MAPK13: variants seen among roughly 807,000 people sequenced by gnomAD.
The protein encoded by MAPK13 is mitogen-activated protein kinase 13, also known as MAP kinase 13.
In MAPK13, 39 loss-of-function variants were observed where a neutral mutation model predicts 53.5. The observed-to-expected ratio is 0.73, with a 90% CI of 0.56 to 0.95. The LOEUF is 0.95. Ranked by LOEUF, MAPK13 falls within the 40% of genes least tolerant of loss-of-function variation. MAPK13 has a pLI of 0.00. For missense variants in MAPK13, 460 were observed against 471.8 expected (o/e 0.98, Z 0.23); for synonymous variants, 179 against 190.9 (o/e 0.94, Z 0.51).
intron 2 of MAPK13, among the ~76,000 whole-genome samples, chr6:36,131,686 TGA>T (rs1345912025): frequency 6.6e-6 from 1 of 152,244 alleles, no homozygotes; most frequent in Non-Finnish European, 1.5e-5. Flanking sequence ...GTTCCATGTC[TGA>T]GAGCTTGTGG....
intron 5 of MAPK13, 48 bp downstream of exon 5, chr6:36,136,096 T>C: frequency 6.2e-7 from 1 of 1,607,484 alleles, no homozygotes; most frequent in Non-Finnish European, 8.5e-7. Context: ...GTCCCATCCC[T>C]GGGTATGGGG....
chr6:36,132,623 C>A lies in MAPK13; in HGVS notation c.252C>A (p.Val84=). ...CTCACAGGTGACTTCTTCCCCAGGT[C>A]ATTGGGCTCCTGGATGTCTTCACCC... is the stretch of plus-strand genomic sequence containing the variant. ...LLLKHMQHEN[V]IGLLDVFTPA... is the part of the protein sequence containing the mutation. Residue 84 remains valine, a splice_region_variant and synonymous_variant, in exon 3 of 12, where the codon GTC becomes GTA. Coordinates refer to ENST00000211287, the MANE Select transcript of MAPK13 (RefSeq NM_002754.5). 3.1e-6 allele frequency: 5 copies of A among 1,614,158 alleles called. No individual in the cohort carries two copies. The highest frequency in any genetic ancestry group is 4.2e-6 in the Non-Finnish European group (5 of 1,179,998).
rs1436548083 is a variant in MAPK13 at position 36,144,153 on chromosome 6, C to A, written c.*4780C>A. On this transcript the variant is annotated 3_prime_UTR_variant, in exon 12 of 12. Transcript: ENST00000211287. Reference sequence around the variant, plus strand: ...AAGTAGCTGGGACTATAGGCATGCACCACCATGCCTGGCTAATTTCAGAAT... The same window carrying A: ...AAGTAGCTGGGACTATAGGCATGCAACACCATGCCTGGCTAATTTCAGAAT... 2 of 152,130 alleles carry A rather than the reference C, an allele frequency of 1.3e-5. No individual in the cohort carries two copies. Among genetic ancestry groups the A allele is most frequent in the African/African-American group, 4.8e-5 (2 of 41,402 alleles). The allele number at this position is 152,130 out of a possible 1,614,324, so 9.4% of individuals were successfully genotyped here.
At chr6:36,138,826 G>C (rs767140049) in intron 10 of MAPK13, 46 bp downstream of exon 10, 9 of 1,613,706 alleles carry the variant, frequency 5.6e-6, no homozygotes, top group Non-Finnish European at 5.9e-6. Context: ...GCGTATCCCA[G>C]AGGGCGGGCT....
intron 5 of MAPK13, 148 bp from the exon 6 acceptor site, chr6:36,136,336 C>A: frequency 1.4e-6 from 1 of 709,756 alleles, no homozygotes; most frequent in Non-Finnish European, 2.4e-6. Flanking sequence ...TGAGAGAACA[C>A]CTAGTCCAAC....
At chr6:36,134,450 T>G (rs373049776) in intron 3 of MAPK13, among the ~76,000 whole-genome samples, 6 of 152,214 alleles carry the variant, frequency 3.9e-5, no homozygotes, top group African/African-American at 1.4e-4. Context: ...TGGAGTGCAG[T>G]GGCACAAACA....
In MAPK13 at chr6:36,136,537, T is replaced by TG. The variant is rs1766420216; in HGVS notation, c.495+9dup. On this transcript the variant is annotated splice_region_variant and intron_variant, in intron 6 of 11. Transcript: ENST00000211287. ...ATGAGGACTGTGAACTGAAGGTGAG[T>TG]GGGCTGCAGGCTCAGCCCAGAGGCG... 6.2e-7 allele frequency: 1 copy of TG among 1,602,772 alleles called. No homozygotes were observed. The highest frequency in any genetic ancestry group is 1.3e-5 in the African/African-American group (1 of 74,606).
Position 36,130,792 on chromosome 6 carries a change from C to T in MAPK13, c.119+91C>T, listed in dbSNP as rs1360696073. 38 of 655,988 alleles carry T rather than the reference C, an allele frequency of 5.8e-5. No individual in the cohort carries two copies. The South Asian group carries it at 8.0e-4, about 14-fold the overall frequency. 40.6% of individuals were successfully genotyped at this position (655,988 alleles called of 1,614,324 possible). On this transcript the variant is annotated intron_variant, in intron 1 of 11. Transcript: ENST00000211287. This position sits in a 1 kb window ranked among gnomAD's most constrained non-coding sequence, Gnocchi z 4.5. ...GCCCTGGGCTGGCCCCTCGCCAGCG[C>T]CACCTTGACCGCGGACCTCAAGGCC...
chr6:36,135,903 G>A, intron 4 of MAPK13, 42 bp downstream of exon 4: 1 of 1,598,638 alleles, frequency 6.3e-7, no homozygotes. Flanking sequence ...ACGCCTTGCT[G>A]TCTAGACCTG....
Position 36,138,710 on chromosome 6 carries a change from C to T in MAPK13, c.771C>T (p.Ser257=), listed in dbSNP as rs776758297. The change falls in exon 10 of 12, where the codon TCC becomes TCT. Residue 257 remains serine (S), a synonymous_variant. Transcript: ENST00000211287. ...GCTTTTCTGTCTTCCAGGCCAAATCCTACATCCAGTCCCTGCCACAGACCC... is the reference window on the plus strand; with the variant it reads ...GCTTTTCTGTCTTCCAGGCCAAATCTTACATCCAGTCCCTGCCACAGACCC... ...VQKLNDKAAK[S]YIQSLPQTPR... 4 of 1,614,002 alleles carry T rather than the reference C, an allele frequency of 2.5e-6. No homozygotes were observed. The highest frequency in any genetic ancestry group is 3.4e-6 in the Non-Finnish European group (4 of 1,179,974).
rs768610823 is a variant in MAPK13, at chr6:36,138,793, G to A, written c.841+13G>A. The A allele has an allele frequency of 4.3e-6, 7 of 1,614,002 alleles. No individual in the cohort carries two copies. Among genetic ancestry groups the A allele is most frequent in the Non-Finnish European group, 5.9e-6 (7 of 1,180,010 alleles). On this transcript the variant is annotated intron_variant, in intron 10 of 11. Coordinates refer to ENST00000211287, the MANE Select transcript of MAPK13 (RefSeq NM_002754.5). Reference sequence around the variant, plus strand: ...GCCAGCCCCCAGGGTGAGTCTCAGAGCCCGCTCCCCAGGGGCCTCTCAGCG... The same window carrying A: ...GCCAGCCCCCAGGGTGAGTCTCAGAACCCGCTCCCCAGGGGCCTCTCAGCG...
chr6:36,132,800 C>A, intron 3 of MAPK13, 121 bp downstream of exon 3: 1 of 997,618 alleles, frequency 1.0e-6, no homozygotes. Flanking sequence ...CCTTCCCTGG[C>A]AGTCCTGTGC....
At chr6:36,136,141 G>C (rs1324940174) in intron 5 of MAPK13, 93 bp downstream of exon 5, 1 of 1,488,378 alleles carries the variant, frequency 6.7e-7, no homozygotes, top group Admixed American at 1.7e-5. Flanking sequence ...AAGTTGGAGG[G>C]AGGGGACACT....
chr6:36,135,915 G>A, intron 4 of MAPK13, 54 bp downstream of exon 4: 1 of 1,598,432 alleles, frequency 6.3e-7, no homozygotes, highest in South Asian at 1.1e-5. Context: ...CTAGACCTGA[G>A]GTTTGGGGAG....
intron 9 of MAPK13, 44 bp from the exon 10 acceptor site, chr6:36,138,658 T>C (rs1365182965): frequency 5.1e-6 from 8 of 1,575,206 alleles, no homozygotes; most frequent in Middle Eastern, 1.7e-4. Context: ...CTCTACACGC[T>C]GAGGCCAGAG....
intron 3 of MAPK13, 84 bp downstream of exon 3, chr6:36,132,763 CTA>C (rs753508071): frequency 5.5e-6 from 8 of 1,453,984 alleles, no homozygotes; most frequent in Admixed American, 1.7e-5. Flanking sequence ...TCTAGGGTTT[CTA>C]TTCCGGGTGT....
Position 36,137,325 on chromosome 6 carries a change from C to T in MAPK13, c.682+375C>T, listed in dbSNP as rs140482903. On this transcript the variant is annotated intron_variant, in intron 8 of 11. Transcript: ENST00000211287. ...GGTCAGGAGATCGAGACCATCCTGG[C>T]TAACAAGGGGAAACCCCGTATCTAC... Among the ~76,000 whole-genome samples the T allele has an allele frequency of 7.2e-5, 11 of 152,112 alleles. 1 individual carries two copies. In the East Asian group the frequency reaches 2.1e-3, roughly 30 times the overall value.
At chr6:36,134,360 C>T (rs572703406) in intron 3 of MAPK13, among the ~76,000 whole-genome samples, 1 of 152,294 alleles carries the variant, frequency 6.6e-6, no homozygotes, top group East Asian at 1.9e-4. Flanking sequence ...CAACCTATTA[C>T]ATAATTGTTT....
At chr6:36,137,524 A>G (rs1037048634) in intron 8 of MAPK13, among the ~76,000 whole-genome samples, 1 of 151,220 alleles carries the variant, frequency 6.6e-6, no homozygotes, top group Non-Finnish European at 1.5e-5. Context: ...CAAAAAAAAG[A>G]AAAAGAAAAA....
Sources: allele counts gnomAD v4.1 joint callset (sites outside exome capture counted in the v4.1 genomes callset), GRCh38; gene constraint gnomAD v4.1.1; non-coding constraint Gnocchi (gnomAD v3.1); transcripts MANE v1.5; gene names NCBI Gene and HGNC (gene_info 2026-07-23, HGNC 2026-07-21).